DCPS: variants seen among roughly 807,000 people sequenced by gnomAD.
DCPS encodes m7GpppX diphosphatase.
A neutral mutation model predicts 34.7 loss-of-function variants in DCPS; 27 were observed. That is an observed-to-expected ratio of 0.78 (90% CI 0.57 to 1.07). DCPS has a LOEUF of 1.07. Ranked by LOEUF, DCPS falls within the 50% of genes least tolerant of loss-of-function variation. The pLI, the probability that DCPS is intolerant of heterozygous loss-of-function variation, is 0.00. For missense variants in DCPS, 464 were observed against 436.9 expected, an observed-to-expected ratio of 1.06 and a Z score of -0.55; for synonymous variants, 185 against 185.7, an observed-to-expected ratio of 1.00 and a Z score of 0.03.
chr11:126,327,369 C>T lies in DCPS; in HGVS notation c.377-4036C>T, dbSNP rs1187251735. Among the ~76,000 whole-genome samples, 2 of 152,230 alleles carry T rather than the reference C, an allele frequency of 1.3e-5. No individual in the cohort carries two copies. Among genetic ancestry groups the T allele is most frequent in the Non-Finnish European group, 2.9e-5 (2 of 68,042 alleles). On this transcript the variant is annotated intron_variant, in intron 2 of 5. Transcript: ENST00000263579. The surrounding 1 kb of genome is among the most constrained non-coding windows in gnomAD (Gnocchi z 4.1). ...GCCAGAATTCCACATGATCAGGAGG[C>T]ACATGATGTCGGCGTGCCCAGCAGG...
At chr11:126,317,424 A>G (rs1951671317) in intron 2 of DCPS, among the ~76,000 whole-genome samples, 2 of 151,452 alleles carry the variant, frequency 1.3e-5, no homozygotes, top group South Asian at 2.1e-4. Flanking sequence ...ATTGAGGCCA[A>G]ATTGTGTTGA....
At chr11:126,311,494 G>A (rs534002072) in intron 2 of DCPS, among the ~76,000 whole-genome samples, 5 of 152,370 alleles carry the variant, frequency 3.3e-5, no homozygotes, top group African/African-American at 9.6e-5. Context: ...AGATGTCTGA[G>A]TGGCCATGAG....
chr11:126,306,888 T>G, intron 2 of DCPS, 144 bp downstream of exon 2: 30 of 988,124 alleles, frequency 3.0e-5, no homozygotes, highest in Non-Finnish European at 3.8e-5. Context: ...CATTTGGCCA[T>G]CGGTGAAGAC....
At chr11:126,343,214 G>C in intron 4 of DCPS, 93 bp from the exon 5 acceptor site, 2 of 975,644 alleles carry the variant, frequency 2.0e-6, no homozygotes, top group Non-Finnish European at 3.2e-6. Context: ...CCTCAGGGGT[G>C]GGTGCTTCCT....
In DCPS at chr11:126,348,144, G is replaced by A. The variant is rs892547032; in HGVS notation, c.*2531G>A. ...ACAGAGTTCACCCAACAGGACAGAC[G>A]AGGCTGGCAGTCACAGCAGAGGGCA... On this transcript the variant is annotated 3_prime_UTR_variant, in exon 6 of 6. Coordinates refer to ENST00000263579, the MANE Select transcript of DCPS (RefSeq NM_014026.6). The surrounding 1 kb of genome is among the most constrained non-coding windows in gnomAD (Gnocchi z 5.3). Among the ~76,000 whole-genome samples the A allele has an allele frequency of 6.6e-6, 1 of 152,174 alleles. No homozygotes were observed. Among genetic ancestry groups the A allele is most frequent in the Non-Finnish European group, 1.5e-5 (1 of 68,022 alleles).
Position 126,347,688 on chromosome 11 carries a change from G to A in DCPS, c.*2075G>A, listed in dbSNP as rs964099212. On this transcript the variant is annotated 3_prime_UTR_variant, in exon 6 of 6. Coordinates refer to ENST00000263579, the MANE Select transcript of DCPS (RefSeq NM_014026.6). This position sits in a 1 kb window ranked among gnomAD's most constrained non-coding sequence, Gnocchi z 4.2. ...CTTCTTGGGCTAAGCAAATACTTTT[G>A]TGGGCAGTGACACTGGCAGCTGCTG... Among the ~76,000 whole-genome samples, 9 of 152,224 alleles carry A rather than the reference G, an allele frequency of 5.9e-5. No individual in the cohort carries two copies. The highest frequency in any genetic ancestry group is 1.5e-5 in the Non-Finnish European group (1 of 68,044).
chr11:126,314,364 A>G (rs1565372260), intron 2 of DCPS, among the ~76,000 whole-genome samples: 1 of 152,194 alleles, frequency 6.6e-6, no homozygotes, highest in Non-Finnish European at 1.5e-5. Context: ...GATGCAGTGA[A>G]AAGGGAACAC....
rs761031435 is a variant in DCPS, at chr11:126,345,304, G to A, written c.748-43G>A. On this transcript the variant is annotated intron_variant, in intron 5 of 5. Transcript: ENST00000263579. This position sits in a 1 kb window ranked among gnomAD's most constrained non-coding sequence, Gnocchi z 7.4. ...GGTGGGGACATGGCGCCGGGCCTCA[G>A]GCAGCACGGTGACTCCTGACCTGCC... 1.9e-6 allele frequency: 3 copies of A among 1,607,616 alleles called. No homozygotes were observed. The highest frequency in any genetic ancestry group is 4.5e-5 in the East Asian group (2 of 44,834).
rs973105832 is a variant in DCPS at position 126,328,569 on chromosome 11, G to T, written c.377-2836G>T. On this transcript the variant is annotated intron_variant, in intron 2 of 5. Coordinates refer to ENST00000263579, the MANE Select transcript of DCPS (RefSeq NM_014026.6). This position sits in a 1 kb window ranked among gnomAD's most constrained non-coding sequence, Gnocchi z 6.6. ...CCTGCACCCTGGGTGGCTGGGGCAG[G>T]TCTCCCACAGGCCTCGGCAGACCAG... 2.0e-5 allele frequency among the ~76,000 whole-genome samples: 3 copies of T among 152,162 alleles called. No homozygotes were observed. Among genetic ancestry groups the T allele is most frequent in the African/African-American group, 7.2e-5 (3 of 41,436 alleles).
In DCPS at chr11:126,313,800, A is replaced by G. The variant is rs1440118250; in HGVS notation, c.376+7056A>G. On this transcript the variant is annotated intron_variant, in intron 2 of 5. Coordinates refer to ENST00000263579, the MANE Select transcript of DCPS (RefSeq NM_014026.6). The surrounding 1 kb of genome is among the most constrained non-coding windows in gnomAD (Gnocchi z 4.9). Reference sequence around the variant, plus strand: ...TTCTTGGATTGTGTGTTCTGAGCATATGTATTCTTTTTATTTTACTTAGGT... The same window carrying G: ...TTCTTGGATTGTGTGTTCTGAGCATGTGTATTCTTTTTATTTTACTTAGGT... Among the ~76,000 whole-genome samples, 1 of 152,146 alleles carries G rather than the reference A, an allele frequency of 6.6e-6. No individual in the cohort carries two copies. Among genetic ancestry groups the G allele is most frequent in the African/African-American group, 2.4e-5 (1 of 41,422 alleles).
rs750601465 is a variant in DCPS at position 126,327,010 on chromosome 11, A to G, written c.377-4395A>G. Among the ~76,000 whole-genome samples the G allele has an allele frequency of 2.6e-5, 4 of 152,246 alleles. No individual in the cohort carries two copies. The highest frequency in any genetic ancestry group is 9.6e-5 in the African/African-American group (4 of 41,458). The stretch of plus-strand genomic sequence containing the variant: ...TTTTCTGTCTCCACATATACGTAGA[A>G]TAATGATAACGATGGATATAAAAAA... On this transcript the variant is annotated intron_variant, in intron 2 of 5. Coordinates refer to ENST00000263579, the MANE Select transcript of DCPS (RefSeq NM_014026.6). The surrounding 1 kb of genome is among the most constrained non-coding windows in gnomAD (Gnocchi z 4.1).
intron 2 of DCPS, among the ~76,000 whole-genome samples, chr11:126,314,132 G>T (rs1019922063): frequency 2.0e-5 from 3 of 152,182 alleles, no homozygotes; most frequent in African/African-American, 4.8e-5. Flanking sequence ...AATGATTGTT[G>T]TTCTCTTCTT....
At chr11:126,343,500 T>G (rs240536) in intron 5 of DCPS, 83 bp downstream of exon 5, 3 of 1,138,754 alleles carry the variant, frequency 2.6e-6, no homozygotes, top group Non-Finnish European at 3.8e-6. Context: ...TTTCCTCACC[T>G]TTCCCAGAGT....
At chr11:126,340,894 T>C (rs1361329260) in intron 4 of DCPS, 4 of 152,232 alleles carry the variant, frequency 2.6e-5, no homozygotes, top group African/African-American at 9.7e-5. Flanking sequence ...TGTTCTTTTT[T>C]TTTATTTGTT....
chr11:126,304,085 C>T lies in DCPS; in HGVS notation c.5C>T (p.Ala2Val). Residue 2 changes from alanine to valine, a missense_variant, in exon 1 of 6, where the codon GCG (alanine) becomes GTG (valine). By Grantham distance (64) the Ala-to-Val change is moderately conservative. Transcript: ENST00000263579. M[A>V]DAAPQLGKRK... ...GCACACCGCCTCCGCGGCAGCATGG[C>T]GGACGCAGCTCCTCAACTAGGCAAG... 1 of 1,597,988 alleles carries T rather than the reference C, an allele frequency of 6.3e-7. No homozygotes were observed. Among genetic ancestry groups the T allele is most frequent in the Non-Finnish European group, 8.5e-7 (1 of 1,172,488 alleles).
chr11:126,345,651 G>A lies in DCPS; in HGVS notation c.*38G>A. 1 of 1,584,106 alleles carries A rather than the reference G, an allele frequency of 6.3e-7. No homozygotes were observed. Among genetic ancestry groups the A allele is most frequent in the Non-Finnish European group, 8.6e-7 (1 of 1,165,314 alleles). On this transcript the variant is annotated 3_prime_UTR_variant, in exon 6 of 6. Coordinates refer to ENST00000263579, the MANE Select transcript of DCPS (RefSeq NM_014026.6). The surrounding 1 kb of genome is among the most constrained non-coding windows in gnomAD (Gnocchi z 7.4). ...AGAAGAGCACAGATGTGTGGGATTG[G>A]GGGAGGAGTGGGGACAAGATTTTTT...
chr11:126,345,244 A>G lies in DCPS; in HGVS notation c.748-103A>G. On this transcript the variant is annotated intron_variant, in intron 5 of 5. Coordinates refer to ENST00000263579, the MANE Select transcript of DCPS (RefSeq NM_014026.6). This position sits in a 1 kb window ranked among gnomAD's most constrained non-coding sequence, Gnocchi z 7.4. The stretch of plus-strand genomic sequence containing the variant: ...TTGGAGGGTTTTTGTGAGCTGTCCC[A>G]GGCCAATCCAGGATTCAGATGGGAG... The G allele has an allele frequency of 6.6e-7, 1 of 1,524,808 alleles. No individual in the cohort carries two copies. Among genetic ancestry groups the G allele is most frequent in the East Asian group, 2.3e-5 (1 of 44,208 alleles). The allele number at this position is 1,524,808 out of a possible 1,614,324, so 94.5% of individuals were successfully genotyped here. A position where few individuals can be genotyped will look rare whatever the true frequency, so the allele number is the denominator to read the frequency against.
Position 126,325,991 on chromosome 11 carries a change from G to T in DCPS, c.377-5414G>T, listed in dbSNP as rs1951736237. 6.6e-6 allele frequency among the ~76,000 whole-genome samples: 1 copy of T among 152,150 alleles called. No individual in the cohort carries two copies. Among genetic ancestry groups the T allele is most frequent in the African/African-American group, 2.4e-5 (1 of 41,438 alleles). On this transcript the variant is annotated intron_variant, in intron 2 of 5. Coordinates refer to ENST00000263579, the MANE Select transcript of DCPS (RefSeq NM_014026.6). This position sits in a 1 kb window ranked among gnomAD's most constrained non-coding sequence, Gnocchi z 4.3. ...GTATTAGCCAGGCGTGGTGGCGTGG[G>T]CCTGTAATCCTAGCTACTGGGGACG...
At position 126,347,223 on chromosome 11, in the gene DCPS, C is replaced by CTT. The variant is rs1229980101; in HGVS notation, c.*1629_*1630dup. Among the ~76,000 whole-genome samples, 254 of 122,732 alleles carry CTT rather than the reference C, an allele frequency of 2.1e-3. 5 individuals carry two copies. The highest frequency in any genetic ancestry group is 0.012 in the East Asian group (51 of 4,128). The allele number at this position is 122,732 out of a possible 152,430, so 80.5% of individuals were successfully genotyped here. A position where few individuals can be genotyped will look rare whatever the true frequency, so the allele number is the denominator to read the frequency against. ...CACTCAGCCATTCTTCCCTGCAGCT[C>CTT]TTTTTTTTTTTTTTTTTTTTGAGAC... is the stretch of plus-strand genomic sequence containing the variant. On this transcript the variant is annotated 3_prime_UTR_variant, in exon 6 of 6. Transcript: ENST00000263579. This position sits in a 1 kb window ranked among gnomAD's most constrained non-coding sequence, Gnocchi z 4.2.
Sources: gnomAD v4.1 joint callset for allele counts (sites outside exome capture counted in the v4.1 genomes callset) on GRCh38, gnomAD v4.1.1 for gene constraint, Gnocchi (gnomAD v3.1) non-coding constraint, MANE v1.5 for transcripts, NCBI Gene and HGNC (gene_info 2026-07-23, HGNC 2026-07-21) for gene names.